KDM2B: variants seen among roughly 807,000 people sequenced by gnomAD.
KDM2B encodes the protein lysine demethylase 2B.
A neutral mutation model predicts 150.0 loss-of-function variants in KDM2B; 26 were observed. The ratio of observed to expected loss-of-function variants is 0.17; its 90% CI spans 0.13 to 0.24. The LOEUF (loss-of-function observed/expected upper bound fraction) is 0.24, where lower values mean the gene tolerates loss of function less well. Ranked by LOEUF, KDM2B falls within the 10% of genes least tolerant of loss-of-function variation. KDM2B has a pLI of 1.00. For missense variants in KDM2B, 1,265 were observed against 1,816.9 expected, an observed-to-expected ratio of 0.70 and a Z score of 5.52; for synonymous variants, 734 against 729.5, an observed-to-expected ratio of 1.01 and a Z score of -0.10.
the KDM2B span, chr12:121,420,837 G>T: frequency 7.6e-7 from 1 of 1,320,970 alleles, no homozygotes. Context: ...TTAAAAACTG[G>T]GTTGTTTTTG....
intron 6 of KDM2B, among the ~76,000 whole-genome samples, chr12:121,536,420 G>A (rs1451509066): frequency 6.6e-6 from 1 of 152,226 alleles, no homozygotes; most frequent in African/African-American, 2.4e-5. Context: ...CGCGGGCTGC[G>A]GAGCTGGCAA....
At chr12:121,412,943 T>C in the KDM2B span, among the ~76,000 whole-genome samples, 1 of 151,682 alleles carries the variant, frequency 6.6e-6, no homozygotes, top group African/African-American at 2.4e-5. Context: ...TCTCGAACTC[T>C]TGACCTCATG....
At chr12:121,416,174 A>G in the KDM2B span, 7 of 1,614,098 alleles carry the variant, frequency 4.3e-6, no homozygotes, top group South Asian at 1.1e-5. Context: ...TGCCACGTCT[A>G]TGTGGGCTTC....
At chr12:121,581,963 T>G (rs2136777273), upstream of KDM2B, among the ~76,000 whole-genome samples, 1 of 152,332 alleles carries the variant, frequency 6.6e-6, no homozygotes, top group Non-Finnish European at 1.5e-5. Flanking sequence ...TTTGTTTTCA[T>G]TCATGTTCAC....
chr12:121,519,841 A>G (rs1886532364), intron 9 of KDM2B, among the ~76,000 whole-genome samples: 1 of 152,180 alleles, frequency 6.6e-6, no homozygotes, highest in Non-Finnish European at 1.5e-5. Flanking sequence ...AAACAGGAAC[A>G]AGTAGAACAA....
chr12:121,419,376 G>A, the KDM2B span, among the ~76,000 whole-genome samples: 4 of 152,178 alleles, frequency 2.6e-5, no homozygotes, highest in Admixed American at 6.5e-5. Context: ...TACTCAGAAC[G>A]TCTCCTAGTC....
At position 121,444,405 on chromosome 12, in the gene KDM2B, C is replaced by T. The variant is rs200338907; in HGVS notation, c.2190+45G>A. 478 of 1,608,150 alleles carry T rather than the reference C, an allele frequency of 3.0e-4. 2 individuals carry two copies. Among genetic ancestry groups the T allele is most frequent in the Non-Finnish European group, 3.8e-4 (448 of 1,175,034 alleles). On this transcript the variant is annotated intron_variant, in intron 15 of 22. Transcript: ENST00000377071. ...GGCTGGTCCCGGCCAGGCCCAGGCC[C>T]GCCCCTCTCCCGACTGACCCTGGGA...
At chr12:121,443,176 A>T in intron 17 of KDM2B, 146 bp from the exon 18 acceptor site, 4 of 728,212 alleles carry the variant, frequency 5.5e-6, no homozygotes, top group Non-Finnish European at 9.3e-6. Context: ...TCCACGTCTG[A>T]CCGACAGACG....
chr12:121,559,275 T>C (rs1343204554), intron 4 of KDM2B, among the ~76,000 whole-genome samples: 2 of 149,276 alleles, frequency 1.3e-5, no homozygotes, highest in Non-Finnish European at 3.0e-5. Flanking sequence ...AAGAAGAGTT[T>C]CCTTAGTGTG....
Position 121,524,704 on chromosome 12 carries a change from A to T in KDM2B, c.932-3604T>A, listed in dbSNP as rs781878407. On this transcript the variant is annotated intron_variant, in intron 8 of 22. Coordinates refer to ENST00000377071, the MANE Select transcript of KDM2B (RefSeq NM_032590.5). Reference sequence around the variant, plus strand: ...TCCTCCGATGGCCTCTCGACAGCCCAGGAAGCATGAGAGCCGGTGCTCCCA... The same window carrying T: ...TCCTCCGATGGCCTCTCGACAGCCCTGGAAGCATGAGAGCCGGTGCTCCCA... The T allele has an allele frequency of 1.1e-5, 5 of 454,272 alleles. No homozygotes were observed. In the East Asian group the frequency reaches 3.5e-4, roughly 32 times the overall value. 28.1% of individuals were successfully genotyped at this position (454,272 alleles called of 1,614,324 possible).
intron 17 of KDM2B, 127 bp downstream of exon 17, chr12:121,443,553 T>C (rs1555289167): frequency 4.4e-6 from 3 of 681,600 alleles, no homozygotes; most frequent in Non-Finnish European, 7.9e-6. Context: ...GCCAGAGATC[T>C]GGGGCCGAGA....
Position 121,548,955 on chromosome 12 carries a change from A to G in KDM2B, c.605T>C (p.Met202Thr), listed in dbSNP as rs1555311278. 6.2e-7 allele frequency: 1 copy of G among 1,614,140 alleles called. No homozygotes were observed. The highest frequency in any genetic ancestry group is 8.5e-7 in the Non-Finnish European group (1 of 1,179,990). ...VVDLVDWVDNMWPQHLKEKQT... is the reference protein window; with the variant it reads ...VVDLVDWVDNTWPQHLKEKQT... ...CTTCTCCTTCAGATGCTGGGGCCAC[A>G]TGTTGTCCACCCAGTCCACCAGGTC... The change falls in exon 6 of 23, where the codon ATG (methionine) becomes ACG (threonine). Residue 202 changes from methionine (M) to threonine (T), a missense_variant. Met to Thr is a moderately conservative substitution (Grantham distance 81). This residue lies in a region of KDM2B where 214 missense variants were observed against 447.4 expected (regional missense o/e 0.48). Coordinates refer to ENST00000377071, the MANE Select transcript of KDM2B (RefSeq NM_032590.5).
At chr12:121,551,749 C>T (rs913495995) in intron 4 of KDM2B, among the ~76,000 whole-genome samples, 6 of 151,916 alleles carry the variant, frequency 3.9e-5, no homozygotes, top group African/African-American at 1.2e-4. Context: ...GATGGAGTTT[C>T]GCCATATTGG....
rs1875321716 is a variant in KDM2B at position 121,442,574 on chromosome 12, T to C, written c.2867A>G (p.His956Arg). Reference sequence around the variant, plus strand: ...GCTGTTCTCCGTCCTCTGGATCTCGTGGTTGAGCTCCTTGCTCAGCTCCCT... The same window carrying C: ...GCTGTTCTCCGTCCTCTGGATCTCGCGGTTGAGCTCCTTGCTCAGCTCCCT... ...LSRELSKELN[H>R]EIQRTENSLA... Residue 956 changes from histidine (H) to arginine (R), a missense_variant, in exon 19 of 23, where the codon CAC (histidine) becomes CGC (arginine). By Grantham distance (29) the His-to-Arg change is conservative. Around this residue, in one of 11 missense-constraint regions of KDM2B, gnomAD observed 418 missense variants for 402.4 expected, o/e 1.04. Coordinates refer to ENST00000377071, the MANE Select transcript of KDM2B (RefSeq NM_032590.5). The surrounding 1 kb of genome is among the most constrained non-coding windows in gnomAD (Gnocchi z 7.7). 5 of 1,600,976 alleles carry C rather than the reference T, an allele frequency of 3.1e-6. No homozygotes were observed. In the South Asian group the frequency reaches 4.4e-5, roughly 14 times the overall value.
chr12:121,514,617 G>C (rs1555304564), intron 9 of KDM2B, among the ~76,000 whole-genome samples: 1 of 151,626 alleles, frequency 6.6e-6, no homozygotes, highest in Non-Finnish European at 1.5e-5. Context: ...GTGTCTGCGG[G>C]GACGAGAAAG....
chr12:121,430,376 T>C lies in KDM2B; in HGVS notation c.3923A>G (p.Lys1308Arg), dbSNP rs1555285244. The change falls in exon 23 of 23, where the codon AAG (lysine) becomes AGG (arginine). Residue 1308 changes from lysine to arginine, a missense_variant. Lys to Arg is a conservative substitution (Grantham distance 26, BLOSUM62 2). Transcript: ENST00000377071. The surrounding 1 kb of genome is among the most constrained non-coding windows in gnomAD (Gnocchi z 4.4). ...GGCTATGAACTGCTCACAGCCTTCC[T>C]TGGTGACTTGCTTGCAGTACCTCAG... ...IDLRYCKQVT[K>R]EGCEQFIAEM... is the part of the protein sequence containing the mutation. 2.5e-6 allele frequency: 4 copies of C among 1,614,186 alleles called. No individual in the cohort carries two copies. The highest frequency in any genetic ancestry group is 3.4e-6 in the Non-Finnish European group (4 of 1,180,006).
chr12:121,463,325 A>AT (rs1248071390), intron 12 of KDM2B, among the ~76,000 whole-genome samples: 3 of 152,208 alleles, frequency 2.0e-5, no homozygotes, highest in African/African-American at 7.2e-5. Flanking sequence ...CAAAAAAAAA[A>AT]AAAGCACTAA....
At chr12:121,479,422 G>C (rs58568520) in intron 12 of KDM2B, among the ~76,000 whole-genome samples, 5 of 150,318 alleles carry the variant, frequency 3.3e-5, no homozygotes, top group Non-Finnish European at 7.4e-5. Context: ...AGCCGAGATC[G>C]TGCCACTGCA....
At position 121,442,857 on chromosome 12, in the gene KDM2B, G is replaced by A. The variant is rs1223615745; in HGVS notation, c.2605-21C>T. ...CGCCGCTGAGGGCGAGAGCGGAGAC[G>A]CGTCAGCCTCTGGGGCTCAGGGCTG... On this transcript the variant is annotated intron_variant, in intron 18 of 22. Coordinates refer to ENST00000377071, the MANE Select transcript of KDM2B (RefSeq NM_032590.5). The surrounding 1 kb of genome is among the most constrained non-coding windows in gnomAD (Gnocchi z 7.7). 6.6e-7 allele frequency: 1 copy of A among 1,517,866 alleles called. No individual in the cohort carries two copies. The highest frequency in any genetic ancestry group is 1.4e-5 in the African/African-American group (1 of 71,622). 94.0% of individuals were successfully genotyped at this position (1,517,866 alleles called of 1,614,324 possible).
Sources: allele counts gnomAD v4.1 joint callset (sites outside exome capture counted in the v4.1 genomes callset), GRCh38; gene constraint gnomAD v4.1.1; regional missense constraint gnomAD v4.1.1; non-coding constraint Gnocchi (gnomAD v3.1); transcripts MANE v1.5; gene names NCBI Gene and HGNC (gene_info 2026-07-23, HGNC 2026-07-21).